KIRREL3: variants seen among roughly 807,000 people sequenced by gnomAD.
KIRREL3 encodes kirre like nephrin family adhesion molecule 3.
Under a neutral mutation model 89.7 loss-of-function variants are expected in KIRREL3, and 36 were observed. The observed-to-expected ratio is 0.40, with a 90% CI of 0.31 to 0.53. The LOEUF (loss-of-function observed/expected upper bound fraction) is 0.53. KIRREL3 is among the 20% of genes least tolerant of loss of function. The probability of loss-of-function intolerance (pLI) is 0.49; values close to 1 mark genes in which losing one functional copy is unlikely to be tolerated. For missense variants in KIRREL3, 864 were observed against 1,056.6 expected (o/e 0.82, Z 2.53); for synonymous variants, 445 against 441.4 (o/e 1.01, Z -0.10).
intron 1 of KIRREL3, among the ~76,000 whole-genome samples, chr11:126,775,627 C>G (rs1208893087): frequency 2.0e-5 from 3 of 152,160 alleles, no homozygotes; most frequent in Non-Finnish European, 4.4e-5. Context: ...TATTAGCATT[C>G]CCGGTGCATA....
At chr11:126,714,311 G>T (rs747520587) in intron 1 of KIRREL3, among the ~76,000 whole-genome samples, 1 of 152,234 alleles carries the variant, frequency 6.6e-6, no homozygotes, top group Non-Finnish European at 1.5e-5. Flanking sequence ...GAAGCATGTA[G>T]ACCCCTGGCT....
At chr11:126,509,991 C>CAAAAAAAAAAAAAAAAAAAAAAAAAAA (rs58061522) in intron 4 of KIRREL3, among the ~76,000 whole-genome samples, 38 of 62,058 alleles carry the variant, frequency 6.1e-4, no homozygotes, top group African/African-American at 1.5e-3. Context: ...GACTCCGTCT[C>CAAAAAAAAAAAAAAAAAAAAAAAAAAA]AAAAAAAAAA....
At position 126,709,149 on chromosome 11, in the gene KIRREL3, C is replaced by A. The variant is rs569759436; in HGVS notation, c.56-146237G>T. ...GCTATGTGCTTGTTTCATTTAATAC[C>A]GTCAACGACCATATAAAGTGTGTTT... On this transcript the variant is annotated intron_variant, in intron 1 of 16. Transcript: ENST00000525144. This position sits in a 1 kb window ranked among gnomAD's most constrained non-coding sequence, Gnocchi z 4.0. Among the ~76,000 whole-genome samples the A allele has an allele frequency of 9.3e-4, 141 of 152,296 alleles. No homozygotes were observed. Among genetic ancestry groups the A allele is most frequent in the African/African-American group, 3.2e-3 (131 of 41,554 alleles).
rs561442635 is a variant in KIRREL3 at position 126,456,940 on chromosome 11, C to T, written c.743-486G>A. On this transcript the variant is annotated intron_variant, in intron 6 of 16. Coordinates refer to ENST00000525144, the MANE Select transcript of KIRREL3 (RefSeq NM_032531.4). ...TTTCATCAGCCTAATCATCTCCACT[C>T]AGTCCTGGCTGGTGGCGCACGGCCT... Among the ~76,000 whole-genome samples, 11 of 152,336 alleles carry T rather than the reference C, an allele frequency of 7.2e-5. No individual in the cohort carries two copies. The East Asian group carries it at 2.1e-3, about 29-fold the overall frequency.
rs576955517 is a variant in KIRREL3 at position 126,773,965 on chromosome 11, G to T, written c.56-211053C>A. 6.6e-6 allele frequency among the ~76,000 whole-genome samples: 1 copy of T among 152,164 alleles called. No individual in the cohort carries two copies. The highest frequency in any genetic ancestry group is 2.4e-5 in the African/African-American group (1 of 41,520). ...TACTATTGAATATCTTATCAAATAG[G>T]AACAAAGCCAGGGACAGGGTAAGAG... is the stretch of plus-strand genomic sequence containing the variant. On this transcript the variant is annotated intron_variant, in intron 1 of 16. Transcript: ENST00000525144. This position sits in a 1 kb window ranked among gnomAD's most constrained non-coding sequence, Gnocchi z 4.2.
At chr11:126,597,941 A>G (rs1021767215) in intron 1 of KIRREL3, among the ~76,000 whole-genome samples, 18 of 152,212 alleles carry the variant, frequency 1.2e-4, no homozygotes, top group Admixed American at 1.1e-3. Context: ...ATAGCATCCT[A>G]TGAGGATTGT....
At position 126,897,859 on chromosome 11, in the gene KIRREL3, T is replaced by C. The variant is rs1274472238; in HGVS notation, c.55+102596A>G. On this transcript the variant is annotated intron_variant, in intron 1 of 16. Transcript: ENST00000525144. This position sits in a 1 kb window ranked among gnomAD's most constrained non-coding sequence, Gnocchi z 4.2. ...ACTTTGACAGAAATGTTAAACTAAG[T>C]AAGTCTGCACATATCCACTGATGTA... is the stretch of plus-strand genomic sequence containing the variant. Among the ~76,000 whole-genome samples, 1 of 152,190 alleles carries C rather than the reference T, an allele frequency of 6.6e-6. No individual in the cohort carries two copies. Among genetic ancestry groups the C allele is most frequent in the East Asian group, 1.9e-4 (1 of 5,200 alleles).
intron 1 of KIRREL3, among the ~76,000 whole-genome samples, chr11:126,777,157 C>T (rs985812460): frequency 2.0e-5 from 3 of 152,132 alleles, no homozygotes; most frequent in Non-Finnish European, 4.4e-5. Flanking sequence ...ATTGCAATGC[C>T]TGGGGATTTT....
rs1484031975 is a variant in KIRREL3, at chr11:126,579,258, T to C, written c.56-16346A>G. 6.6e-6 allele frequency among the ~76,000 whole-genome samples: 1 copy of C among 151,996 alleles called. No homozygotes were observed. The highest frequency in any genetic ancestry group is 1.5e-5 in the Non-Finnish European group (1 of 67,986). ...ATTTATCATGTGGGAGGGTAGTTAG[T>C]TCCCAAACGCAGGTGAGTATAAAAT... On this transcript the variant is annotated intron_variant, in intron 1 of 16. Coordinates refer to ENST00000525144, the MANE Select transcript of KIRREL3 (RefSeq NM_032531.4). The surrounding 1 kb of genome is among the most constrained non-coding windows in gnomAD (Gnocchi z 5.3).
At position 126,719,998 on chromosome 11, in the gene KIRREL3, C is replaced by T. The variant is rs575246836; in HGVS notation, c.56-157086G>A. 1.3e-5 allele frequency among the ~76,000 whole-genome samples: 2 copies of T among 152,204 alleles called. No individual in the cohort carries two copies. The highest frequency in any genetic ancestry group is 2.1e-4 in the South Asian group (1 of 4,828). On this transcript the variant is annotated intron_variant, in intron 1 of 16. Coordinates refer to ENST00000525144, the MANE Select transcript of KIRREL3 (RefSeq NM_032531.4). This position sits in a 1 kb window ranked among gnomAD's most constrained non-coding sequence, Gnocchi z 4.7. ...GCCTCTGATTTCAGCTCCTACTCAT[C>T]CCCCTTTGACTCATCTGCTTCAGCT...
chr11:126,994,915 A>G lies in KIRREL3; in HGVS notation c.55+5540T>C, dbSNP rs1185503288. The stretch of plus-strand genomic sequence containing the variant: ...TATTCTGATGATCTATAAGGTATCT[A>G]TGTTCTTACTTGACCTGCACTTCTA... On this transcript the variant is annotated intron_variant, in intron 1 of 16. Coordinates refer to ENST00000525144, the MANE Select transcript of KIRREL3 (RefSeq NM_032531.4). This position sits in a 1 kb window ranked among gnomAD's most constrained non-coding sequence, Gnocchi z 5.2. 2.0e-5 allele frequency among the ~76,000 whole-genome samples: 3 copies of G among 152,138 alleles called. No homozygotes were observed. The highest frequency in any genetic ancestry group is 1.9e-4 in the East Asian group (1 of 5,184).
At position 126,664,291 on chromosome 11, in the gene KIRREL3, G is replaced by C. The variant is rs1320124823; in HGVS notation, c.56-101379C>G. On this transcript the variant is annotated intron_variant, in intron 1 of 16. Transcript: ENST00000525144. This position sits in a 1 kb window ranked among gnomAD's most constrained non-coding sequence, Gnocchi z 5.4. ...ATCAACCCAGCACCAATTATGTAGAGCAGGCAAAGTACAAAGAGGCTCACA... is the reference window on the plus strand; with the variant it reads ...ATCAACCCAGCACCAATTATGTAGACCAGGCAAAGTACAAAGAGGCTCACA... Among the ~76,000 whole-genome samples the C allele has an allele frequency of 1.3e-5, 2 of 151,498 alleles. No homozygotes were observed. Among genetic ancestry groups the C allele is most frequent in the African/African-American group, 4.9e-5 (2 of 41,118 alleles).
intron 1 of KIRREL3, among the ~76,000 whole-genome samples, chr11:126,831,875 C>A (rs1943620975): frequency 6.6e-6 from 1 of 152,148 alleles, no homozygotes; most frequent in Non-Finnish European, 1.5e-5. Context: ...CTTGGCTGAG[C>A]ATTTGGAATG....
chr11:126,580,188 C>T (rs1941471069), intron 1 of KIRREL3, among the ~76,000 whole-genome samples: 1 of 152,130 alleles, frequency 6.6e-6, no homozygotes, highest in Non-Finnish European at 1.5e-5. Context: ...TGTGTCTGGT[C>T]CACAGTAGGA....
At chr11:126,810,735 A>G (rs1951357083) in intron 1 of KIRREL3, among the ~76,000 whole-genome samples, 1 of 152,200 alleles carries the variant, frequency 6.6e-6, no homozygotes, top group Admixed American at 6.5e-5. Flanking sequence ...TAAAATGGGC[A>G]TCTGTTTGGA....
In KIRREL3 at chr11:126,517,497, G is replaced by A. The variant is rs192346347; in HGVS notation, c.433+3818C>T. 1.9e-4 allele frequency among the ~76,000 whole-genome samples: 29 copies of A among 152,304 alleles called. 1 individual carries two copies. The highest frequency in any genetic ancestry group is 2.9e-5 in the Non-Finnish European group (2 of 68,034). ...ATGTGGAAGCTGGCTACAGAGGGGT[G>A]GTTGGGGGGGATCCTTTGCAGGGAG... On this transcript the variant is annotated intron_variant, in intron 4 of 16. Transcript: ENST00000525144.
intron 4 of KIRREL3, among the ~76,000 whole-genome samples, chr11:126,482,259 G>A (rs1429373179): frequency 2.0e-5 from 3 of 152,090 alleles, no homozygotes; most frequent in Non-Finnish European, 4.4e-5. Flanking sequence ...GGCTGGTCTC[G>A]AACTCCTGAC....
chr11:126,435,299 C>G lies in KIRREL3; in HGVS notation c.1557G>C (p.Ser519=). 1 of 1,613,800 alleles carries G rather than the reference C, an allele frequency of 6.2e-7. No individual in the cohort carries two copies. Among genetic ancestry groups the G allele is most frequent in the South Asian group, 1.1e-5 (1 of 91,082 alleles). Reference sequence around the variant, plus strand: ...CCAGCCCGGCTCCCGACTTCATTTCCGAACCTGTTTGGAAATAAAGCAAGC... The same window carrying G: ...CCAGCCCGGCTCCCGACTTCATTTCGGAACCTGTTTGGAAATAAAGCAAGC... ...TEIIRLKEQG[S]EMKSGAGLEA... is the part of the protein sequence containing the mutation. The change falls in exon 13 of 17, where the codon TCG becomes TCC. Residue 519 remains serine, a synonymous_variant. Transcript: ENST00000525144.
chr11:126,822,884 GA>G (rs1260530368), intron 1 of KIRREL3, among the ~76,000 whole-genome samples: 1 of 152,146 alleles, frequency 6.6e-6, no homozygotes, highest in Non-Finnish European at 1.5e-5. Context: ...CCTGCACCAG[GA>G]AACTCACACA....
Sources: gnomAD v4.1 joint callset for allele counts (sites outside exome capture counted in the v4.1 genomes callset) on GRCh38, gnomAD v4.1.1 for gene constraint, Gnocchi (gnomAD v3.1) non-coding constraint, MANE v1.5 for transcripts, NCBI Gene and HGNC (gene_info 2026-07-23, HGNC 2026-07-21) for gene names.